Variants in ATXN7 observed in about 807,000 individuals in gnomAD.
ATXN7 encodes the protein ataxin-7.
Under a neutral mutation model 70.5 loss-of-function variants are expected in ATXN7, and 12 were observed. The observed-to-expected ratio is 0.17, with a 90% confidence interval of 0.11 to 0.28. ATXN7 has a LOEUF of 0.28. Among genes scored for constraint, ATXN7 ranks in the 10% least tolerant of loss-of-function variants. The pLI, the probability that ATXN7 is intolerant of heterozygous loss-of-function variation, is 1.00. For synonymous variants in ATXN7, 498 were observed against 448.7 expected (o/e 1.11, Z -1.39); for missense variants, 1,256 against 1,131.7 (o/e 1.11, Z -1.58).
intron 5 of ATXN7, among the ~76,000 whole-genome samples, chr3:63,969,973 A>G (rs562944595): frequency 6.6e-6 from 1 of 152,312 alleles, no homozygotes; most frequent in African/African-American, 2.4e-5. Flanking sequence ...AATGATGTGC[A>G]TCACTCAGAT....
At chr3:63,987,958 G>A (rs777438849) in intron 8 of ATXN7, 101 bp from the exon 9 acceptor site, 55 of 1,407,740 alleles carry the variant, frequency 3.9e-5, no homozygotes, top group Non-Finnish European at 4.9e-5. Context: ...CTATGCTTAT[G>A]GTCTAGATTG....
Position 63,988,343 on chromosome 3 carries a change from C to T in ATXN7, c.1361+19C>T, listed in dbSNP as rs1428111800. On this transcript the variant is annotated intron_variant, in intron 9 of 12. Transcript: ENST00000674280. ...TTCCAAGGTAAGCCAGGCCCTCCAA[C>T]TCTTTCTCCCACCTTCAGAGATGAG... The T allele has an allele frequency of 1.2e-6, 2 of 1,613,462 alleles. No homozygotes were observed. Among genetic ancestry groups the T allele is most frequent in the African/African-American group, 2.7e-5 (2 of 74,876 alleles).
intron 1 of ATXN7, among the ~76,000 whole-genome samples, chr3:63,881,827 T>C (rs186307670): frequency 0.012 from 1,835 of 152,246 alleles, 12 homozygotes; most frequent in Non-Finnish European, 0.018. Flanking sequence ...AACTATAAGG[T>C]TGGGCCAGAG....
intron 2 of ATXN7, among the ~76,000 whole-genome samples, chr3:63,911,345 G>T (rs1358832386): frequency 6.6e-6 from 1 of 152,112 alleles, no homozygotes; most frequent in East Asian, 1.9e-4. Flanking sequence ...GTGTATGTTG[G>T]GGAGGGGTGC....
At chr3:63,969,843 T>G (rs1201733238) in intron 5 of ATXN7, among the ~76,000 whole-genome samples, 2 of 152,222 alleles carry the variant, frequency 1.3e-5, no homozygotes, top group African/African-American at 4.8e-5. Context: ...CAAAAGTAGC[T>G]AGAGACTGGT....
At chr3:63,939,413 A>G (rs2074717682) in intron 4 of ATXN7, among the ~76,000 whole-genome samples, 1 of 152,070 alleles carries the variant, frequency 6.6e-6, no homozygotes, top group African/African-American at 2.4e-5. Flanking sequence ...TCCACTTTCA[A>G]ACCAAGCACC....
At chr3:63,887,402 A>G (rs888138940) in intron 1 of ATXN7, among the ~76,000 whole-genome samples, 1 of 152,208 alleles carries the variant, frequency 6.6e-6, no homozygotes, top group Non-Finnish European at 1.5e-5. Flanking sequence ...AACTATTGCC[A>G]TGTATACATT....
chr3:63,939,348 C>T (rs1336691578), intron 4 of ATXN7, among the ~76,000 whole-genome samples: 9 of 152,156 alleles, frequency 5.9e-5, no homozygotes, highest in East Asian at 1.9e-4. Context: ...TCACTGCCAT[C>T]CCCATGTCTT....
At chr3:63,864,309 T>TG (rs1431232835) in intron 1 of ATXN7, among the ~76,000 whole-genome samples, 151 bp downstream of exon 1, 6 of 129,640 alleles carry the variant, frequency 4.6e-5, no homozygotes, top group Admixed American at 1.5e-4. Context: ...CTCGTTTCCC[T>TG]GGGGGGTGGG....
chr3:63,981,508 C>G (rs2075486943), intron 6 of ATXN7, among the ~76,000 whole-genome samples: 2 of 152,168 alleles, frequency 1.3e-5, no homozygotes. Flanking sequence ...TTCAGTTTTA[C>G]CAAGCAAAAT....
At position 63,896,983 on chromosome 3, in the gene ATXN7, T is replaced by G. The variant is rs148877217; in HGVS notation, c.-110-1416T>G. Among the ~76,000 whole-genome samples the G allele has an allele frequency of 5.1e-4, 78 of 152,340 alleles. 1 individual carries two copies. In the East Asian group the frequency reaches 0.014, roughly 26 times the overall value. ...TGCAGAGTCTAATCTGATGCTGGTG[T>G]TGTTCTGCCTTCACCTTCTGTCTAC... On this transcript the variant is annotated intron_variant, in intron 1 of 12. Transcript: ENST00000674280.
chr3:63,895,977 A>G (rs1365180467), intron 1 of ATXN7, among the ~76,000 whole-genome samples: 1 of 151,754 alleles, frequency 6.6e-6, no homozygotes, highest in Non-Finnish European at 1.5e-5. Flanking sequence ...ACCAAACTAG[A>G]CCCTCTTCAT....
chr3:63,954,684 C>T (rs574060971), intron 5 of ATXN7, among the ~76,000 whole-genome samples: 18 of 147,904 alleles, frequency 1.2e-4, no homozygotes, highest in Admixed American at 4.1e-4. Flanking sequence ...TATCAGTGTA[C>T]GGGTAGGAAA....
At chr3:63,893,218 C>T (rs1464505658) in intron 1 of ATXN7, among the ~76,000 whole-genome samples, 1 of 152,166 alleles carries the variant, frequency 6.6e-6, no homozygotes, top group Non-Finnish European at 1.5e-5. Context: ...TTATTATTGT[C>T]ATGTGCTTTT....
chr3:63,989,280 G>GT (rs1419111319), intron 9 of ATXN7, among the ~76,000 whole-genome samples: 1 of 152,168 alleles, frequency 6.6e-6, no homozygotes, highest in African/African-American at 2.4e-5. Flanking sequence ...TCTCATTGAA[G>GT]TTTTTGCATC....
intron 4 of ATXN7, among the ~76,000 whole-genome samples, chr3:63,939,824 G>A (rs1364315682): frequency 6.6e-6 from 1 of 152,130 alleles, no homozygotes; most frequent in African/African-American, 2.4e-5. Flanking sequence ...GGGACAGAAT[G>A]GGTTTGGAAC....
chr3:63,892,057 A>G (rs1170621096), intron 1 of ATXN7, among the ~76,000 whole-genome samples: 3 of 152,170 alleles, frequency 2.0e-5, no homozygotes, highest in Non-Finnish European at 4.4e-5. Context: ...ATTAAACAAG[A>G]CAGTGCATGT....
rs768732936 is a variant in ATXN7, at chr3:63,988,316, T to C, written c.1353T>C (p.Ser451=). 2 of 1,614,072 alleles carry C rather than the reference T, an allele frequency of 1.2e-6. No individual in the cohort carries two copies. Among genetic ancestry groups the C allele is most frequent in the Non-Finnish European group, 1.7e-6 (2 of 1,180,020 alleles). The change falls in exon 9 of 13, where the codon AGT becomes AGC. Residue 451 remains serine, a synonymous_variant. Coordinates refer to ENST00000674280, the MANE Select transcript of ATXN7 (RefSeq NM_001377405.1). ...VASKPKPHTP[S]LPRPPGCPAQ... ...GTAAACCTAAACCTCACACCCCCAG[T>C]CTTCCAAGGTAAGCCAGGCCCTCCA...
chr3:63,919,509 A>G (rs1704421895), intron 4 of ATXN7, among the ~76,000 whole-genome samples: 1 of 152,202 alleles, frequency 6.6e-6, no homozygotes, highest in Admixed American at 6.5e-5. Context: ...AATATTAAAG[A>G]AACATGTTGA....
Sources: allele counts gnomAD v4.1 joint callset (sites outside exome capture counted in the v4.1 genomes callset), GRCh38; gene constraint gnomAD v4.1.1; transcripts MANE v1.5; gene names NCBI Gene and HGNC (gene_info 2026-07-23, HGNC 2026-07-21).